Variants in COPS7A observed in about 807,000 individuals in gnomAD.
COPS7A encodes the protein COP9 signalosome subunit 7A.
A neutral mutation model predicts 35.2 loss-of-function variants in COPS7A; 20 were observed. The observed-to-expected ratio is 0.57, with a 90% CI of 0.40 to 0.83. The LOEUF is 0.83. COPS7A is among the 40% of genes least tolerant of loss of function. COPS7A has a pLI of 0.00. For missense variants in COPS7A, 247 were observed against 347.5 expected (o/e 0.71, Z 2.30); for synonymous variants, 139 against 141.4 (o/e 0.98, Z 0.12).
In COPS7A at chr12:6,724,799, A is replaced by G. The variant is rs1482824393; in HGVS notation, c.143A>G (p.Asp48Gly). ...PGVYVFGELLDMPNVRELAES... is the reference protein window; with the variant it reads ...PGVYVFGELLGMPNVRELAES... ...GTCTACGTGTTTGGAGAACTGCTGG[A>G]CATGCCCAATGTTAGAGAGGTGGGT... The change falls in exon 2 of 8, where the codon GAC (aspartate) becomes GGC (glycine). Residue 48 changes from aspartate to glycine, a missense_variant. Transcript: ENST00000543155. 1 of 1,614,188 alleles carries G rather than the reference A, an allele frequency of 6.2e-7. No individual in the cohort carries two copies. Among genetic ancestry groups the G allele is most frequent in the East Asian group, 2.2e-5 (1 of 44,886 alleles).
Position 6,727,936 on chromosome 12 carries a change from G to A in COPS7A, c.173G>A (p.Ser58Asn). The change falls in exon 3 of 8, where the codon AGT (serine) becomes AAT (asparagine). Residue 58 changes from serine to asparagine, a missense_variant. Transcript: ENST00000543155. The stretch of plus-strand genomic sequence containing the variant: ...TCCTCATTCTCGCAGCTGGCTGAGA[G>A]TGACTTTGCCTCTACCTTCCGGCTG... ...DMPNVRELAE[S>N]DFASTFRLLT... 6.2e-7 allele frequency: 1 copy of A among 1,614,200 alleles called. No individual in the cohort carries two copies. Among genetic ancestry groups the A allele is most frequent in the Non-Finnish European group, 8.5e-7 (1 of 1,180,040 alleles).
chr12:6,728,350 CT>C (rs1419413514), intron 4 of COPS7A, 39 bp downstream of exon 4: 1 of 1,566,044 alleles, frequency 6.4e-7, no homozygotes, highest in Admixed American at 1.7e-5. Flanking sequence ...CTAGAGCATC[CT>C]TTTGTATGTC....
At chr12:6,728,058 G>A (rs1941301510) in intron 3 of COPS7A, 57 bp downstream of exon 3, 1 of 1,563,770 alleles carries the variant, frequency 6.4e-7, no homozygotes. Flanking sequence ...GCAATTTCTG[G>A]AGGGACTCAG....
In COPS7A at chr12:6,729,137, G is replaced by A; in HGVS notation, c.328-110G>A. ...CTCTTAGAGGAAGTGATTTAGGAAT[G>A]GGAGTGGAGGGCAGGTGGGCTAGGG... is the stretch of plus-strand genomic sequence containing the variant. On this transcript the variant is annotated intron_variant, in intron 4 of 7. Coordinates refer to ENST00000543155, the MANE Select transcript of COPS7A (RefSeq NM_001164094.2). The surrounding 1 kb of genome is among the most constrained non-coding windows in gnomAD (Gnocchi z 4.2). 1.0e-6 allele frequency: 1 copy of A among 996,518 alleles called. No individual in the cohort carries two copies. Among genetic ancestry groups the A allele is most frequent in the Admixed American group, 1.9e-5 (1 of 53,508 alleles). The allele number at this position is 996,518 out of a possible 1,614,324, so 61.7% of individuals were successfully genotyped here. A position where few individuals can be genotyped will look rare whatever the true frequency, so the allele number is the denominator to read the frequency against.
At chr12:6,728,802 C>T (rs190196046) in intron 4 of COPS7A, among the ~76,000 whole-genome samples, 7 of 152,328 alleles carry the variant, frequency 4.6e-5, no homozygotes, top group Admixed American at 1.3e-4. Flanking sequence ...TTAAACCAGG[C>T]TCTCTATTGA....
In COPS7A at chr12:6,724,175, C is replaced by T. The variant is rs558101629; in HGVS notation, c.-48C>T. 7 of 274,100 alleles carry T rather than the reference C, an allele frequency of 2.6e-5. No homozygotes were observed. The highest frequency in any genetic ancestry group is 1.2e-4 in the African/African-American group (5 of 43,052). The allele number at this position is 274,100 out of a possible 1,614,324, so 17.0% of individuals were successfully genotyped here. On this transcript the variant is annotated 5_prime_UTR_variant, in exon 1 of 8. Coordinates refer to ENST00000543155, the MANE Select transcript of COPS7A (RefSeq NM_001164094.2). ...CAGGTAGCGGCCCGCAGAGCCTGACCCAGGGTACGACGAAGCAGTCGGCGG... is the reference window on the plus strand; with the variant it reads ...CAGGTAGCGGCCCGCAGAGCCTGACTCAGGGTACGACGAAGCAGTCGGCGG...
Position 6,730,773 on chromosome 12 carries a change from T to C in COPS7A, c.741T>C (p.Pro247=). The C allele has an allele frequency of 1.2e-6, 2 of 1,614,200 alleles. No individual in the cohort carries two copies. The highest frequency in any genetic ancestry group is 1.7e-6 in the Non-Finnish European group (2 of 1,180,038). Residue 247 remains proline (P), a synonymous_variant, in exon 7 of 8, where the codon CCT becomes CCC. Coordinates refer to ENST00000543155, the MANE Select transcript of COPS7A (RefSeq NM_001164094.2). The stretch of plus-strand genomic sequence containing the variant: ...TGACTGAGCTGAGGGAACCAGCTCC[T>C]GGCACCAACCAGCGCCAGCCCAGCA... ...QHLTELREPA[P]GTNQRQPSKK...
In COPS7A at chr12:6,727,916, A is replaced by T; in HGVS notation, c.163-10A>T. On this transcript the variant is annotated splice_polypyrimidine_tract_variant and intron_variant, in intron 2 of 7. Coordinates refer to ENST00000543155, the MANE Select transcript of COPS7A (RefSeq NM_001164094.2). ...ACTTCCCGTCACCTCCTTTTTCCTC[A>T]TTCTCGCAGCTGGCTGAGAGTGACT... 1 of 1,614,066 alleles carries T rather than the reference A, an allele frequency of 6.2e-7. No homozygotes were observed. The highest frequency in any genetic ancestry group is 8.5e-7 in the Non-Finnish European group (1 of 1,179,952).
chr12:6,724,891 C>A, intron 2 of COPS7A, 73 bp downstream of exon 2: 1 of 1,503,722 alleles, frequency 6.7e-7, no homozygotes, highest in Non-Finnish European at 9.2e-7. Flanking sequence ...GTGGGCAGGG[C>A]TCATTTTGTG....
chr12:6,730,370 C>T (rs1032647247), intron 5 of COPS7A, 32 bp from the exon 6 acceptor site: 7 of 1,603,754 alleles, frequency 4.4e-6, no homozygotes, highest in Non-Finnish European at 6.0e-6. Flanking sequence ...CAGCCCTTGT[C>T]TGCTGACACT....
At chr12:6,724,223 G>T (rs1941190364) in intron 1 of COPS7A, 44 bp downstream of exon 1, 1 of 274,382 alleles carries the variant, frequency 3.6e-6, no homozygotes, top group South Asian at 2.8e-5. Flanking sequence ...GCTGGGCGGT[G>T]TCTTTAAGGG....
chr12:6,730,958 C>A, intron 7 of COPS7A, 42 bp from the exon 8 acceptor site: 1 of 1,589,688 alleles, frequency 6.3e-7, no homozygotes, highest in South Asian at 1.1e-5. Flanking sequence ...GGATTCCCTG[C>A]ATTCTCTCTC....
At chr12:6,725,252 G>A (rs541374389) in intron 2 of COPS7A, among the ~76,000 whole-genome samples, 1 of 151,738 alleles carries the variant, frequency 6.6e-6, no homozygotes, top group East Asian at 1.9e-4. Flanking sequence ...TGCCTCCTGG[G>A]TTCACGCCAT....
rs955491729 is a variant in COPS7A, at chr12:6,729,084, C to CT, written c.328-159dup. ...TGATGCTGTTTTTGAAGTGGGAATA[C>CT]TTTTATTTATTTTGCTTTAGAACCA... On this transcript the variant is annotated intron_variant, in intron 4 of 7. Transcript: ENST00000543155. The surrounding 1 kb of genome is among the most constrained non-coding windows in gnomAD (Gnocchi z 4.2). 1.6e-6 allele frequency: 1 copy of CT among 640,044 alleles called. No homozygotes were observed. The highest frequency in any genetic ancestry group is 2.7e-6 in the Non-Finnish European group (1 of 367,770). 39.6% of individuals were successfully genotyped at this position (640,044 alleles called of 1,614,324 possible). A position where few individuals can be genotyped will look rare whatever the true frequency, so the allele number is the denominator to read the frequency against.
At chr12:6,724,839 G>C in intron 2 of COPS7A, 21 bp downstream of exon 2, 1 of 1,612,832 alleles carries the variant, frequency 6.2e-7, no homozygotes, top group South Asian at 1.1e-5. Flanking sequence ...GGCTTGAATA[G>C]CCCTCAGAGA....
rs773894715 is a variant in COPS7A, at chr12:6,727,966, C to T, written c.203C>T (p.Thr68Ile). 1.2e-6 allele frequency: 2 copies of T among 1,614,174 alleles called. No individual in the cohort carries two copies. Among genetic ancestry groups the T allele is most frequent in the Non-Finnish European group, 1.7e-6 (2 of 1,180,036 alleles). ...TTTGCCTCTACCTTCCGGCTGCTCA[C>T]AGTGTTTGCTTATGGGACATACGCT... ...SDFASTFRLLTVFAYGTYADY... is the reference protein window; with the variant it reads ...SDFASTFRLLIVFAYGTYADY... Residue 68 changes from threonine to isoleucine, a missense_variant, in exon 3 of 8, where the codon ACA becomes ATA. Transcript: ENST00000543155.
At chr12:6,724,961 G>T (rs927213535) in intron 2 of COPS7A, 143 bp downstream of exon 2, 2 of 871,356 alleles carry the variant, frequency 2.3e-6, no homozygotes, top group African/African-American at 1.7e-5. Flanking sequence ...ACTTGCAGAA[G>T]TAACCAGTGA....
intron 7 of COPS7A, 23 bp from the exon 8 acceptor site, chr12:6,730,958 CATTCTCTCTCTCTCTCTCT>C (rs1414588845): frequency 5.0e-6 from 8 of 1,589,578 alleles, no homozygotes; most frequent in Non-Finnish European, 5.2e-6. Flanking sequence ...GGATTCCCTG[CATTCTCTCTCTCTCTCTCT>C]TTCTCTCTCT....
intron 6 of COPS7A, 38 bp from the exon 7 acceptor site, chr12:6,730,631 A>G: frequency 6.2e-7 from 1 of 1,613,320 alleles, no homozygotes; most frequent in Non-Finnish European, 8.5e-7. Context: ...AAGGTTCTGG[A>G]ACCTTCCTTG....
Sources: gnomAD v4.1 joint callset for allele counts (sites outside exome capture counted in the v4.1 genomes callset) on GRCh38, gnomAD v4.1.1 for gene constraint, Gnocchi (gnomAD v3.1) non-coding constraint, MANE v1.5 for transcripts, NCBI Gene and HGNC (gene_info 2026-07-23, HGNC 2026-07-21) for gene names.